The following UGT3A1 variants were observed in gnomAD, a reference collection of about 807,000 sequenced individuals.
UGT3A1 encodes UDP-glycosyltransferase 3A1.
A neutral mutation model predicts 37.6 loss-of-function variants in UGT3A1; 40 were observed. The observed-to-expected ratio is 1.06, with a 90% CI of 0.83 to 1.38. The LOEUF is 1.38. Ranked by LOEUF, UGT3A1 falls within the 40% of genes most tolerant of loss-of-function variation. UGT3A1 has a pLI of 0.00. For synonymous variants in UGT3A1, 256 were observed against 232.3 expected, an observed-to-expected ratio of 1.10 and a Z score of -0.93; for missense variants, 642 against 634.2, an observed-to-expected ratio of 1.01 and a Z score of -0.13.
rs1739193014 is a variant in UGT3A1, at chr5:35,951,077, AG to A, written c.*3124del. 1 of 152,164 alleles carries A rather than the reference AG, an allele frequency of 6.6e-6. No individual in the cohort carries two copies. Among genetic ancestry groups the A allele is most frequent in the African/African-American group, 2.4e-5 (1 of 41,464 alleles). 9.4% of individuals were successfully genotyped at this position (152,164 alleles called of 1,614,324 possible). Reference sequence around the variant, plus strand: ...ATATAGTAAAAGTACTGTGTTTAAAAGGTAATGATGCTAATTTTTTTCACTA... The same window carrying A: ...ATATAGTAAAAGTACTGTGTTTAAAAGTAATGATGCTAATTTTTTTCACTA... On this transcript the variant is annotated 3_prime_UTR_variant, in exon 7 of 7. Transcript: ENST00000274278.
In UGT3A1 at chr5:35,967,055, G is replaced by GA. The variant is rs768986276; in HGVS notation, c.311+963dup. 6.6e-5 allele frequency among the ~76,000 whole-genome samples: 10 copies of GA among 152,156 alleles called. No homozygotes were observed. The South Asian group carries it at 1.9e-3, about 28-fold the overall frequency. On this transcript the variant is annotated intron_variant, in intron 3 of 6. Transcript: ENST00000274278. ...TAATCATATTTCAAGTAAATAAATT[G>GA]AAAAAATCACAGGAAGGCACTGATC...
At chr5:35,971,079 C>G (rs1740015754) in intron 2 of UGT3A1, among the ~76,000 whole-genome samples, 1 of 152,172 alleles carries the variant, frequency 6.6e-6, no homozygotes. Context: ...TCACCTGTAA[C>G]TGGATGACTG....
intron 4 of UGT3A1, among the ~76,000 whole-genome samples, chr5:35,964,890 GAAC>G (rs1444408082): frequency 6.6e-6 from 1 of 152,146 alleles, no homozygotes; most frequent in Non-Finnish European, 1.5e-5. Flanking sequence ...AGTCTAGGTG[GAAC>G]CAGGAGCCAG....
chr5:35,982,915 G>T (rs530287478), intron 2 of UGT3A1, among the ~76,000 whole-genome samples: 2 of 152,248 alleles, frequency 1.3e-5, no homozygotes, highest in African/African-American at 4.8e-5. Flanking sequence ...GTTCTCATGA[G>T]ATCTGGATGT....
intron 4 of UGT3A1, among the ~76,000 whole-genome samples, chr5:35,964,827 A>T (rs1056019406): frequency 3.3e-5 from 5 of 152,236 alleles, no homozygotes; most frequent in Admixed American, 3.3e-4. Flanking sequence ...TCACCCAGGC[A>T]GCATTTACAA....
At chr5:35,973,347 A>T (rs1337382173) in intron 2 of UGT3A1, among the ~76,000 whole-genome samples, 1 of 152,196 alleles carries the variant, frequency 6.6e-6, no homozygotes, top group Non-Finnish European at 1.5e-5. Context: ...TCTGGGGTAC[A>T]TGTGTAGAAG....
At chr5:35,996,936 T>C (rs1239805666) in intron 2 of UGT3A1, among the ~76,000 whole-genome samples, 2 of 152,090 alleles carry the variant, frequency 1.3e-5, no homozygotes, top group African/African-American at 2.4e-5. Flanking sequence ...AATACAGATA[T>C]AGGGAATATA....
In UGT3A1 at chr5:35,968,020, T is replaced by G. The variant is rs148646378; in HGVS notation, c.310A>C (p.Arg104=). Residue 104 remains arginine (R), a splice_region_variant and synonymous_variant, in exon 3 of 7, where the codon AGA becomes CGA. Transcript: ENST00000274278. Reference sequence around the variant, plus strand: ...CTTCATAGAATGAAAAGAAGTTACCTGCCATCCAATGCTGTTTCTATGTAG... The same window carrying G: ...CTTCATAGAATGAAAAGAAGTTACCGGCCATCCAATGCTGTTTCTATGTAG... ...DSYIETALDG[R]KESEALVKLM... 2 of 1,609,020 alleles carry G rather than the reference T, an allele frequency of 1.2e-6. No homozygotes were observed. The highest frequency in any genetic ancestry group is 2.2e-5 in the East Asian group (1 of 44,776).
chr5:35,988,034 T>C (rs1181535132), intron 2 of UGT3A1, among the ~76,000 whole-genome samples: 1 of 152,170 alleles, frequency 6.6e-6, no homozygotes, highest in Non-Finnish European at 1.5e-5. Context: ...CTGGGAAATC[T>C]TTCATAAATT....
chr5:35,955,859 G>C lies in UGT3A1; in HGVS notation c.1081C>G (p.Pro361Ala), dbSNP rs780814300. 3.7e-6 allele frequency: 6 copies of C among 1,613,732 alleles called. No individual in the cohort carries two copies. Among genetic ancestry groups the C allele is most frequent in the Non-Finnish European group, 4.2e-6 (5 of 1,179,658 alleles). ...WLPQSDLLAH[P>A]SIRLFVTHGG... Reference sequence around the variant, plus strand: ...TGAGTGACAAAAAGACGGATGCTGGGGTGAGCTGTGGCAAATAAGAAAGAG... The same window carrying C: ...TGAGTGACAAAAAGACGGATGCTGGCGTGAGCTGTGGCAAATAAGAAAGAG... The change falls in exon 6 of 7, where the codon CCC becomes GCC. Residue 361 changes from proline (P) to alanine (A), a missense_variant. Coordinates refer to ENST00000274278, the MANE Select transcript of UGT3A1 (RefSeq NM_152404.4).
rs1209717672 is a variant in UGT3A1 at position 35,965,434 on chromosome 5, A to C, written c.795T>G (p.Thr265=). The change falls in exon 4 of 7, where the codon ACT becomes ACG. Residue 265 remains threonine, a synonymous_variant. Coordinates refer to ENST00000274278, the MANE Select transcript of UGT3A1 (RefSeq NM_152404.4). ...TTTCCATCAAGCCTCCAATATAAAC[A>C]GTGTTGGGAAGCAGGGGCCGGGCAA... ...FDFARPLLPN[T]VYIGGLMEKP... is the part of the protein sequence containing the mutation. 1 of 1,614,176 alleles carries C rather than the reference A, an allele frequency of 6.2e-7. No homozygotes were observed.
chr5:35,996,310 T>C (rs1367078447), upstream of UGT3A1, among the ~76,000 whole-genome samples: 1 of 152,118 alleles, frequency 6.6e-6, no homozygotes, highest in Non-Finnish European at 1.5e-5. Context: ...GACAAACAAA[T>C]TGGGAGAGAT....
intron 2 of UGT3A1, among the ~76,000 whole-genome samples, chr5:35,974,811 A>G (rs751578419): frequency 5.9e-5 from 9 of 152,170 alleles, no homozygotes; most frequent in Admixed American, 4.6e-4. Context: ...CTCTAACCTC[A>G]AGGATACATC....
chr5:35,997,441 T>C (rs1741123656), intron 1 of UGT3A1: 1 of 152,174 alleles, frequency 6.6e-6, no homozygotes, highest in Non-Finnish European at 1.5e-5. Flanking sequence ...ATTTTTTTTT[T>C]TTTTGAGACG....
chr5:35,962,609 GAT>G (rs1739631838), intron 4 of UGT3A1: 2 of 398,208 alleles, frequency 5.0e-6, no homozygotes, highest in Admixed American at 8.1e-5. Context: ...TGTCAGCAAA[GAT>G]CTAGATTTCC....
rs138420675 is a variant in UGT3A1 at position 35,999,169 on chromosome 5, G to A, written c.-160+1799C>T. Among the ~76,000 whole-genome samples, 841 of 148,150 alleles carry A rather than the reference G, an allele frequency of 5.7e-3. 23 individuals are homozygous for A. In the East Asian group the frequency reaches 0.065, roughly 12 times the overall value. ...GGAGAATGGCATGAATCCAGGAGGC[G>A]GAGCTTGCAGTGAGCCGAGATCACA... On this transcript the variant is annotated intron_variant, in intron 1 of 5. Transcript: ENST00000625798.
intron 4 of UGT3A1, among the ~76,000 whole-genome samples, chr5:35,965,047 T>C (rs531083571): frequency 6.6e-6 from 1 of 152,346 alleles, no homozygotes; most frequent in African/African-American, 2.4e-5. Context: ...TTGCATGTAA[T>C]GGGCACTAAC....
intron 2 of UGT3A1, among the ~76,000 whole-genome samples, chr5:35,969,911 T>C (rs1317388709): frequency 2.6e-5 from 4 of 152,180 alleles, no homozygotes; most frequent in Admixed American, 6.5e-5. Context: ...TTCATGCTGC[T>C]GATAAAGACC....
At chr5:35,970,775 G>T (rs1332919433) in intron 2 of UGT3A1, among the ~76,000 whole-genome samples, 1 of 152,130 alleles carries the variant, frequency 6.6e-6, no homozygotes, top group Admixed American at 6.6e-5. Context: ...ATTCCATTAT[G>T]AAAGATCTAT....
Sources: allele counts gnomAD v4.1 joint callset (sites outside exome capture counted in the v4.1 genomes callset), GRCh38; gene constraint gnomAD v4.1.1; transcripts MANE v1.5; gene names NCBI Gene and HGNC (gene_info 2026-07-23, HGNC 2026-07-21).